Variants in TRIP11 observed in about 807,000 individuals in gnomAD.
TRIP11 encodes the protein thyroid receptor-interacting protein 11.
Under a neutral mutation model 223.1 loss-of-function variants are expected in TRIP11, and 148 were observed. That is an observed-to-expected ratio of 0.66 (90% CI 0.58 to 0.76). The LOEUF (loss-of-function observed/expected upper bound fraction) is 0.76. TRIP11 is among the 30% of genes least tolerant of loss of function. The pLI is 0.00. For synonymous variants in TRIP11, 762 were observed against 772.6 expected (o/e 0.99, Z 0.23); for missense variants, 2,043 against 2,222.0 (o/e 0.92, Z 1.62).
At chr14:91,998,643 T>A (rs2056781209) in intron 13 of TRIP11, among the ~76,000 whole-genome samples, 1 of 151,762 alleles carries the variant, frequency 6.6e-6, no homozygotes, top group Admixed American at 6.6e-5. Flanking sequence ...GGGCTCTGTG[T>A]GATTTGTGTG....
intron 15 of TRIP11, among the ~76,000 whole-genome samples, chr14:91,991,882 A>G (rs111543970): frequency 0.013 from 1,979 of 152,102 alleles, 44 homozygotes; most frequent in African/African-American, 0.044. Flanking sequence ...CAGGAGTTCA[A>G]CAACAGCCTG....
intron 16 of TRIP11, among the ~76,000 whole-genome samples, chr14:91,986,888 C>T (rs1188868439): frequency 6.6e-6 from 1 of 152,092 alleles, no homozygotes; most frequent in African/African-American, 2.4e-5. Context: ...AAGATGCTAC[C>T]ATATTTTCAG....
intron 16 of TRIP11, among the ~76,000 whole-genome samples, chr14:91,979,259 A>G (rs2056506826): frequency 6.8e-6 from 1 of 146,886 alleles, no homozygotes; most frequent in South Asian, 2.2e-4. Flanking sequence ...CCTGTCTCCA[A>G]AAAAAAAAAA....
intron 13 of TRIP11, among the ~76,000 whole-genome samples, chr14:91,998,497 A>G (rs924869556): frequency 6.6e-6 from 1 of 152,142 alleles, no homozygotes; most frequent in Admixed American, 6.5e-5. Flanking sequence ...ACTGACATTC[A>G]TATTATTGAT....
chr14:92,031,457 G>A (rs1237916115), intron 2 of TRIP11, among the ~76,000 whole-genome samples: 1 of 152,104 alleles, frequency 6.6e-6, no homozygotes, highest in Non-Finnish European at 1.5e-5. Context: ...CATGCCTGTG[G>A]TACCAGCTAC....
chr14:91,968,007 G>A lies in TRIP11; in HGVS notation c.*1666C>T, dbSNP rs1411300330. On this transcript the variant is annotated 3_prime_UTR_variant, in exon 21 of 21. Transcript: ENST00000267622. ...TATCTAAGGAGATACAAGACATTCT[G>A]AAGCAGCATTTTCAGTTACTTCATT... 5.0e-6 allele frequency: 1 copy of A among 200,968 alleles called. No individual in the cohort carries two copies. Among genetic ancestry groups the A allele is most frequent in the Non-Finnish European group, 1.0e-5 (1 of 97,678 alleles). 12.4% of individuals were successfully genotyped at this position (200,968 alleles called of 1,614,324 possible).
intron 3 of TRIP11, among the ~76,000 whole-genome samples, chr14:92,024,444 C>A (rs1396020232): frequency 6.6e-6 from 1 of 151,466 alleles, no homozygotes; most frequent in Non-Finnish European, 1.5e-5. Flanking sequence ...TATAGTAATT[C>A]ATTTTGTATT....
chr14:92,013,668 G>T (rs1281795124), intron 7 of TRIP11, among the ~76,000 whole-genome samples: 1 of 152,206 alleles, frequency 6.6e-6, no homozygotes, highest in Non-Finnish European at 1.5e-5. Context: ...AATATGATAA[G>T]TAAGTAAATG....
chr14:92,016,478 G>A (rs1421558863), intron 5 of TRIP11, among the ~76,000 whole-genome samples: 1 of 152,112 alleles, frequency 6.6e-6, no homozygotes, highest in Non-Finnish European at 1.5e-5. Flanking sequence ...TCCAACCTGA[G>A]GCCAAAACAT....
At position 92,006,036 on chromosome 14, in the gene TRIP11, CTTTCTT is replaced by C. The variant is rs749191728; in HGVS notation, c.1934_1939del (p.Lys645_Glu646del). 93 of 1,583,942 alleles carry C rather than the reference CTTTCTT, an allele frequency of 5.9e-5. No homozygotes were observed. Among genetic ancestry groups the C allele is most frequent in the African/African-American group, 4.9e-4 (36 of 73,068 alleles). ...CTTTAAGTTTCTAACTTCAGCTTCT[CTTTCTT>C]TAAGTAAGGTATCCTTAAAATTACT... is the stretch of plus-strand genomic sequence containing the variant. On this transcript the variant is annotated inframe_deletion, in exon 11 of 21. Transcript: ENST00000267622.
chr14:92,027,590 G>A (rs2057206273), intron 2 of TRIP11, among the ~76,000 whole-genome samples: 1 of 151,806 alleles, frequency 6.6e-6, no homozygotes, highest in South Asian at 2.1e-4. Flanking sequence ...GAACATAATG[G>A]GGCAAAAGAA....
chr14:91,974,598 C>T (rs1390363338), intron 19 of TRIP11, 29 bp downstream of exon 19: 1 of 1,529,656 alleles, frequency 6.5e-7, no homozygotes, highest in Non-Finnish European at 9.0e-7. Context: ...TTACTATTCA[C>T]CTTAAGCAAG....
rs149816360 is a variant in TRIP11, at chr14:92,036,515, G to C, written c.139+3032C>G. 4.1e-3 allele frequency among the ~76,000 whole-genome samples: 626 copies of C among 152,264 alleles called. 4 individuals carry two copies. The highest frequency in any genetic ancestry group is 0.014 in the African/African-American group (586 of 41,552). ...CCACAACTTGTAATGCACAAAAGCA[G>C]AATTTCAACCCATGTCTCTCTGATT... is the stretch of plus-strand genomic sequence containing the variant. On this transcript the variant is annotated intron_variant, in intron 1 of 20. Transcript: ENST00000267622.
chr14:91,970,652 A>G (rs1049513899), intron 20 of TRIP11, among the ~76,000 whole-genome samples: 1 of 152,222 alleles, frequency 6.6e-6, no homozygotes, highest in Admixed American at 6.5e-5. Flanking sequence ...TCTATGAAAT[A>G]CAGGAGGATG....
In TRIP11 at chr14:92,005,302, T is replaced by C. The variant is rs1229608195; in HGVS notation, c.2674A>G (p.Thr892Ala). The change falls in exon 11 of 21, where the codon ACT becomes GCT. Residue 892 changes from threonine (T) to alanine (A), a missense_variant. Transcript: ENST00000267622. ...VADPKTLDSV[T>A]ELASEVSQLN... ...TGAGATACCTCAGATGCTAGTTCAG[T>C]AACACTATCAAGGGTTTTAGGGTCA... 9.9e-6 allele frequency: 16 copies of C among 1,613,998 alleles called. No homozygotes were observed. The highest frequency in any genetic ancestry group is 1.4e-5 in the Non-Finnish European group (16 of 1,179,992).
intron 17 of TRIP11, among the ~76,000 whole-genome samples, chr14:91,975,660 T>C (rs2056455129): frequency 6.6e-6 from 1 of 152,038 alleles, no homozygotes; most frequent in Non-Finnish European, 1.5e-5. Context: ...GTTATGCTTA[T>C]ATTTCCCCAT....
At chr14:91,997,153 T>C (rs987013548) in intron 13 of TRIP11, among the ~76,000 whole-genome samples, 9 of 152,162 alleles carry the variant, frequency 5.9e-5, no homozygotes, top group African/African-American at 1.9e-4. Flanking sequence ...AATCACTCAG[T>C]GGGTGATTGT....
rs1244801417 is a variant in TRIP11, at chr14:92,006,009, T to C, written c.1967A>G (p.Gln656Arg). The C allele has an allele frequency of 6.3e-7, 1 of 1,592,070 alleles. No individual in the cohort carries two copies. The highest frequency in any genetic ancestry group is 1.4e-5 in the African/African-American group (1 of 73,462). Residue 656 changes from glutamine (Q) to arginine (R), a missense_variant, in exon 11 of 21, where the codon CAA becomes CGA. By Grantham distance (43) the Gln-to-Arg change is conservative (BLOSUM62 1). Coordinates refer to ENST00000267622, the MANE Select transcript of TRIP11 (RefSeq NM_004239.4). ...GAGCTGTTCTAATTCTGAAAGATTT[T>C]GCTTTAAGTTTCTAACTTCAGCTTC... Reference protein sequence around the residue: ...EREAEVRNLKQNLSELEQLNE... With the variant: ...EREAEVRNLKRNLSELEQLNE...
intron 13 of TRIP11, 50 bp downstream of exon 13, chr14:91,999,190 T>TA: frequency 3.8e-6 from 6 of 1,577,788 alleles, no homozygotes; most frequent in Non-Finnish European, 5.2e-6. Flanking sequence ...CTGAGTCTGA[T>TA]ATTTAAGAAG....
Sources: allele counts gnomAD v4.1 joint callset (sites outside exome capture counted in the v4.1 genomes callset), GRCh38; gene constraint gnomAD v4.1.1; transcripts MANE v1.5; gene names NCBI Gene and HGNC (gene_info 2026-07-23, HGNC 2026-07-21).